OSBPL1A: variants seen among roughly 807,000 people sequenced by gnomAD.
The protein encoded by OSBPL1A is oxysterol binding protein like 1A.
In OSBPL1A, 80 loss-of-function variants were observed where a neutral mutation model predicts 137.1. That is an observed-to-expected ratio of 0.58 (90% CI 0.49 to 0.70). The LOEUF (loss-of-function observed/expected upper bound fraction) is 0.70, where lower values mean the gene tolerates loss of function less well. Among genes scored for constraint, OSBPL1A ranks in the 30% least tolerant of loss-of-function variants. The pLI is 0.00. For missense variants in OSBPL1A, 970 were observed against 1,129.4 expected, an observed-to-expected ratio of 0.86 and a Z score of 2.02; for synonymous variants, 365 against 389.7, an observed-to-expected ratio of 0.94 and a Z score of 0.75.
chr18:24,172,661 C>T (rs1400711726), intron 21 of OSBPL1A, among the ~76,000 whole-genome samples, 178 bp from the exon 22 acceptor site: 1 of 152,078 alleles, frequency 6.6e-6, no homozygotes, highest in Non-Finnish European at 1.5e-5. Context: ...ATCATTTGCC[C>T]ATTCTTGTTT....
chr18:24,376,909 C>G (rs1219279524), intron 2 of OSBPL1A, among the ~76,000 whole-genome samples: 1 of 152,232 alleles, frequency 6.6e-6, no homozygotes, highest in Admixed American at 6.5e-5. Context: ...CACGCCCACA[C>G]GGAACTCCAG....
At chr18:24,247,133 C>CTGAA (rs2088920909) in intron 15 of OSBPL1A, among the ~76,000 whole-genome samples, 1 of 152,144 alleles carries the variant, frequency 6.6e-6, no homozygotes, top group Non-Finnish European at 1.5e-5. Context: ...AAGCCATGGA[C>CTGAA]TGAACCCTAG....
intron 17 of OSBPL1A, among the ~76,000 whole-genome samples, chr18:24,199,870 T>C (rs1379383268): frequency 1.3e-5 from 2 of 152,082 alleles, no homozygotes; most frequent in Admixed American, 6.5e-5. Flanking sequence ...CTGCTAAACA[T>C]CATGCCAGGA....
rs376910501 is a variant in OSBPL1A, at chr18:24,355,781, T to C, written c.282+11111A>G. 3.9e-5 allele frequency among the ~76,000 whole-genome samples: 6 copies of C among 151,984 alleles called. No individual in the cohort carries two copies. The South Asian group carries it at 1.2e-3, about 32-fold the overall frequency. ...AGGCAGATCACCTGAGGTCAGGAGT[T>C]CAAGACCAGCCTGGCCAACATGGTG... On this transcript the variant is annotated intron_variant, in intron 4 of 27. Transcript: ENST00000319481.
intron 11 of OSBPL1A, among the ~76,000 whole-genome samples, chr18:24,315,834 A>C (rs2090722164): frequency 8.4e-6 from 1 of 119,362 alleles, no homozygotes; most frequent in African/African-American, 3.4e-5. Context: ...AATATATAGT[A>C]TATATTATAT....
chr18:24,234,526 G>GC (rs2088383949), intron 16 of OSBPL1A, among the ~76,000 whole-genome samples: 1 of 111,782 alleles, frequency 8.9e-6, no homozygotes, highest in Non-Finnish European at 2.2e-5. Context: ...AGCGATCCCA[G>GC]GGGGGACGCC....
intron 14 of OSBPL1A, among the ~76,000 whole-genome samples, chr18:24,287,770 T>C (rs2146082489): frequency 1.8e-5 from 1 of 55,482 alleles, no homozygotes; most frequent in South Asian, 4.1e-4. Flanking sequence ...AGACTCTGTC[T>C]CAAAAATAAA....
chr18:24,234,595 C>G (rs1443928557), intron 16 of OSBPL1A, among the ~76,000 whole-genome samples: 2 of 152,158 alleles, frequency 1.3e-5, no homozygotes, highest in Non-Finnish European at 2.9e-5. Flanking sequence ...CTTGCTTCAC[C>G]CACCTTATGA....
intron 1 of OSBPL1A, among the ~76,000 whole-genome samples, chr18:24,387,292 C>A (rs1410477101): frequency 6.6e-6 from 1 of 151,862 alleles, no homozygotes; most frequent in Non-Finnish European, 1.5e-5. Context: ...TGGGCTCAAG[C>A]GATCCACCTG....
At chr18:24,348,692 T>G (rs1007424347) in intron 4 of OSBPL1A, among the ~76,000 whole-genome samples, 1 of 152,042 alleles carries the variant, frequency 6.6e-6, no homozygotes, top group Non-Finnish European at 1.5e-5. Context: ...GAGAATCGCT[T>G]GAACCTGGGA....
intron 15 of OSBPL1A, among the ~76,000 whole-genome samples, chr18:24,246,610 G>A (rs1385557104): frequency 6.6e-6 from 1 of 151,896 alleles, no homozygotes; most frequent in Non-Finnish European, 1.5e-5. Context: ...GACCAACATG[G>A]TGAAACCCCG....
At chr18:24,328,882 G>T (rs1302975861) in intron 7 of OSBPL1A, among the ~76,000 whole-genome samples, 1 of 152,104 alleles carries the variant, frequency 6.6e-6, no homozygotes, top group African/African-American at 2.4e-5. Flanking sequence ...TGGCATTTTG[G>T]ATATATTACT....
intron 25 of OSBPL1A, among the ~76,000 whole-genome samples, chr18:24,167,064 T>C (rs1030294222): frequency 6.6e-6 from 1 of 152,166 alleles, no homozygotes; most frequent in African/African-American, 2.4e-5. Context: ...AAGGACCAGT[T>C]TTACCGCTAA....
At chr18:24,313,666 G>A (rs1439046104) in intron 12 of OSBPL1A, among the ~76,000 whole-genome samples, 7 of 152,222 alleles carry the variant, frequency 4.6e-5, no homozygotes, top group Admixed American at 2.0e-4. Context: ...AAGTTAAGGC[G>A]TAGACCTGTC....
At chr18:24,397,048 C>T (rs982338053) in intron 1 of OSBPL1A, among the ~76,000 whole-genome samples, 2 of 152,236 alleles carry the variant, frequency 1.3e-5, no homozygotes, top group African/African-American at 2.4e-5. Context: ...AAAACGACAA[C>T]TTGAACTGAA....
intron 7 of OSBPL1A, among the ~76,000 whole-genome samples, chr18:24,319,052 T>G (rs761768713): frequency 1.3e-5 from 2 of 152,228 alleles, no homozygotes; most frequent in Non-Finnish European, 2.9e-5. Context: ...ACTCATAAAT[T>G]TGTGGCTTAA....
chr18:24,223,399 A>C (rs2087957493), intron 17 of OSBPL1A, among the ~76,000 whole-genome samples: 1 of 152,096 alleles, frequency 6.6e-6, no homozygotes, highest in Non-Finnish European at 1.5e-5. Context: ...CACTGCTGAC[A>C]ATTTCCTAAG....
intron 18 of OSBPL1A, among the ~76,000 whole-genome samples, chr18:24,194,259 G>A (rs1324850972): frequency 1.3e-5 from 2 of 152,210 alleles, no homozygotes; most frequent in Admixed American, 1.3e-4. Flanking sequence ...ACTCAGAGCA[G>A]TGTTTTTCAA....
chr18:24,305,161 G>A (rs2090476338), intron 13 of OSBPL1A, among the ~76,000 whole-genome samples: 1 of 152,092 alleles, frequency 6.6e-6, no homozygotes, highest in Non-Finnish European at 1.5e-5. Context: ...GTAAGCTAGA[G>A]GCATAAAAGT....
Sources: gnomAD v4.1 joint callset for allele counts (sites outside exome capture counted in the v4.1 genomes callset) on GRCh38, gnomAD v4.1.1 for gene constraint, MANE v1.5 for transcripts, NCBI Gene and HGNC (gene_info 2026-07-23, HGNC 2026-07-21) for gene names.